BIRC6: variants seen among roughly 807,000 people sequenced by gnomAD.
BIRC6 encodes the protein baculoviral IAP repeat containing 6.
In BIRC6, 98 loss-of-function variants were observed where a neutral mutation model predicts 503.3. That is an observed-to-expected ratio of 0.19 (90% confidence interval 0.17 to 0.23). The LOEUF (loss-of-function observed/expected upper bound fraction) is 0.23, where lower values mean the gene tolerates loss of function less well. Ranked by LOEUF, BIRC6 falls within the 10% of genes least tolerant of loss-of-function variation. The pLI, the probability that BIRC6 is intolerant of heterozygous loss-of-function variation, is 1.00. For missense variants in BIRC6, 5,360 were observed against 5,806.0 expected (o/e 0.92, Z 2.50); for synonymous variants, 2,240 against 2,078.7 (o/e 1.08, Z -2.11).
chr2:32,545,917 A>G (rs2058024594), intron 63 of BIRC6, 57 bp downstream of exon 63: 2 of 1,478,748 alleles, frequency 1.4e-6, no homozygotes, highest in African/African-American at 1.4e-5. Flanking sequence ...ATTAGGGAGT[A>G]CAGAATAAAG....
chr2:32,489,838 A>G (rs1314034117), intron 42 of BIRC6, among the ~76,000 whole-genome samples: 3 of 152,196 alleles, frequency 2.0e-5, no homozygotes, highest in African/African-American at 4.8e-5. Context: ...GCTGAGCTTT[A>G]AACCTTATCC....
At chr2:32,613,955 A>G (rs368195257) in intron 73 of BIRC6, among the ~76,000 whole-genome samples, 38 of 152,126 alleles carry the variant, frequency 2.5e-4, no homozygotes, top group African/African-American at 8.9e-4. Context: ...TTTACTCTCT[A>G]AAAGTGACAC....
chr2:32,505,423 A>C, intron 50 of BIRC6: 2 of 502,644 alleles, frequency 4.0e-6, no homozygotes, highest in Non-Finnish European at 3.6e-6. Context: ...AGTCTAAACA[A>C]ATATGTTCCA....
intron 66 of BIRC6, among the ~76,000 whole-genome samples, chr2:32,578,195 C>T (rs529721769): frequency 6.6e-6 from 1 of 152,110 alleles, no homozygotes. Flanking sequence ...TTCAGCTTCA[C>T]AGAGAGAGTA....
intron 1 of BIRC6, among the ~76,000 whole-genome samples, chr2:32,370,346 G>A (rs1160469586): frequency 6.6e-6 from 1 of 152,106 alleles, no homozygotes; most frequent in Non-Finnish European, 1.5e-5. Flanking sequence ...TTTGGTTAAT[G>A]TGAATGAAGA....
At chr2:32,471,646 C>T (rs2049115786) in intron 32 of BIRC6, among the ~76,000 whole-genome samples, 1 of 151,924 alleles carries the variant, frequency 6.6e-6, no homozygotes, top group East Asian at 1.9e-4. Flanking sequence ...ATTTTATTAC[C>T]CTCTTCCCAG....
chr2:32,423,920 T>C (rs1021972635), intron 10 of BIRC6, among the ~76,000 whole-genome samples: 3 of 152,214 alleles, frequency 2.0e-5, no homozygotes, highest in African/African-American at 7.2e-5. Context: ...GGTTATCAGA[T>C]TGTCTGTCAC....
chr2:32,427,150 C>T (rs999615766), intron 10 of BIRC6, among the ~76,000 whole-genome samples: 1 of 152,028 alleles, frequency 6.6e-6, no homozygotes, highest in Non-Finnish European at 1.5e-5. Context: ...TTGTGGTTTT[C>T]TATCAGATTT....
In BIRC6 at chr2:32,499,642, C is replaced by G; in HGVS notation, c.8564C>G (p.Thr2855Ser). 3 of 1,613,834 alleles carry G rather than the reference C, an allele frequency of 1.9e-6. No homozygotes were observed. In the East Asian group the frequency reaches 6.7e-5, roughly 36 times the overall value. The change falls in exon 46 of 74, where the codon ACT becomes AGT. Residue 2855 changes from threonine to serine, a missense_variant. Thr to Ser is a moderately conservative substitution (Grantham distance 58). This residue lies in a region of BIRC6 where 2,299 missense variants were observed against 2,267.2 expected (regional missense o/e 1.01). Coordinates refer to ENST00000421745, the MANE Select transcript of BIRC6 (RefSeq NM_016252.4). ...AATTTTGAAGTCGTTTCAGTTAGTA[C>G]TATTTCTGCCGTGATAGAATCGGTT... ...EQNFEVVSVSTISAVIESVTF... is the reference protein window; with the variant it reads ...EQNFEVVSVSSISAVIESVTF...
At chr2:32,373,567 A>G (rs559588225) in intron 1 of BIRC6, among the ~76,000 whole-genome samples, 1 of 152,358 alleles carries the variant, frequency 6.6e-6, no homozygotes, top group Admixed American at 6.5e-5. Flanking sequence ...AACACCATAT[A>G]CAAAATACAA....
intron 10 of BIRC6, among the ~76,000 whole-genome samples, chr2:32,425,717 G>T (rs1002357730): frequency 2.0e-5 from 3 of 152,148 alleles, no homozygotes; most frequent in Non-Finnish European, 4.4e-5. Flanking sequence ...TTTCGGCTTT[G>T]TCCCCTTAAA....
chr2:32,511,093 G>A (rs561182097), intron 53 of BIRC6, among the ~76,000 whole-genome samples: 3 of 150,976 alleles, frequency 2.0e-5, no homozygotes, highest in Admixed American at 6.6e-5. Context: ...ATCTTTTCAT[G>A]ACTTTCTGCA....
At chr2:32,436,441 G>C (rs755250316) in intron 15 of BIRC6, among the ~76,000 whole-genome samples, 10 of 152,140 alleles carry the variant, frequency 6.6e-5, no homozygotes, top group Admixed American at 6.5e-4. Context: ...GGATGACTTA[G>C]TGTGACATAA....
intron 65 of BIRC6, among the ~76,000 whole-genome samples, chr2:32,571,378 C>CTTT (rs61599835): frequency 0.19 from 3,918 of 20,358 alleles, 690 homozygotes; most frequent in East Asian, 0.44. Flanking sequence ...TGGTCCTGGG[C>CTTT]TTTTTTTTTT....
intron 65 of BIRC6, chr2:32,574,705 T>C (rs2060147119): frequency 5.2e-6 from 1 of 191,372 alleles, no homozygotes; most frequent in Admixed American, 5.4e-5. Context: ...AGAAAATCTG[T>C]ATATAAGTGG....
intron 66 of BIRC6, among the ~76,000 whole-genome samples, chr2:32,578,546 A>G (rs1365816662): frequency 1.3e-5 from 2 of 152,126 alleles, no homozygotes; most frequent in Non-Finnish European, 2.9e-5. Context: ...CTGTAATCCC[A>G]GCACTTTGAT....
chr2:32,614,096 T>A (rs529483063), intron 73 of BIRC6, among the ~76,000 whole-genome samples: 1 of 152,348 alleles, frequency 6.6e-6, no homozygotes, highest in South Asian at 2.1e-4. Flanking sequence ...ATTTACTTAA[T>A]TTTACTTGAT....
chr2:32,471,126 TA>T lies in BIRC6; in HGVS notation c.6592+5del. The T allele has an allele frequency of 6.4e-7, 1 of 1,561,942 alleles. No individual in the cohort carries two copies. Among genetic ancestry groups the T allele is most frequent in the Non-Finnish European group, 8.7e-7 (1 of 1,151,272 alleles). On this transcript the variant is annotated splice_donor_region_variant and intron_variant, in intron 32 of 73. Transcript: ENST00000421745. Reference sequence around the variant, plus strand: ...CAGCTGCAAAGAAACCTTTGAATGGTAAAGACAGGGAGAGGTTTCTGACAGG... The same window carrying T: ...CAGCTGCAAAGAAACCTTTGAATGGTAAGACAGGGAGAGGTTTCTGACAGG...
At chr2:32,454,877 G>A (rs1381985719) in intron 23 of BIRC6, among the ~76,000 whole-genome samples, 1 of 152,058 alleles carries the variant, frequency 6.6e-6, no homozygotes, top group Non-Finnish European at 1.5e-5. Flanking sequence ...GTGAATATGA[G>A]CTTTTTAGAT....
Sources: gnomAD v4.1 joint callset for allele counts (sites outside exome capture counted in the v4.1 genomes callset) on GRCh38, gnomAD v4.1.1 for gene constraint, gnomAD v4.1.1 regional missense constraint, MANE v1.5 for transcripts, NCBI Gene and HGNC (gene_info 2026-07-23, HGNC 2026-07-21) for gene names.